Variants in TMPRSS11A observed in about 807,000 individuals in gnomAD.
TMPRSS11A encodes transmembrane protease serine 11A.
A neutral mutation model predicts 58.9 loss-of-function variants in TMPRSS11A; 53 were observed. The ratio of observed to expected loss-of-function variants is 0.90; its 90% CI spans 0.72 to 1.13. The LOEUF (loss-of-function observed/expected upper bound fraction) is 1.13, where lower values mean the gene tolerates loss of function less well. TMPRSS11A is among the 50% of genes most tolerant of loss of function. The pLI, the probability that TMPRSS11A is intolerant of heterozygous loss-of-function variation, is 0.00. For missense variants in TMPRSS11A, 493 were observed against 499.3 expected (o/e 0.99, Z 0.12); for synonymous variants, 167 against 169.8 (o/e 0.98, Z 0.13).
intron 5 of TMPRSS11A, among the ~76,000 whole-genome samples, chr4:67,929,638 G>T (rs960604137): frequency 6.6e-6 from 1 of 152,168 alleles, no homozygotes; most frequent in Non-Finnish European, 1.5e-5. Context: ...AGTTGTAAAT[G>T]CTTGCCTATA....
chr4:67,932,124 G>C (rs760669798), intron 3 of TMPRSS11A, 64 bp from the exon 4 acceptor site: 379 of 940,948 alleles, frequency 4.0e-4, no homozygotes, highest in Non-Finnish European at 5.4e-4. Context: ...ATATATCCTT[G>C]ATTAAATGTT....
rs1401573282 is a variant in TMPRSS11A at position 67,910,871 on chromosome 4, G to A, written c.*471C>T. 6.6e-6 allele frequency: 1 copy of A among 152,018 alleles called. No homozygotes were observed. The highest frequency in any genetic ancestry group is 1.5e-5 in the Non-Finnish European group (1 of 67,998). 9.4% of individuals were successfully genotyped at this position (152,018 alleles called of 1,614,324 possible). On this transcript the variant is annotated 3_prime_UTR_variant, in exon 10 of 10. Transcript: ENST00000508048. ...AGAAGTAGAAAATTCATTTCTTATGGTGGAAAGGTACTTTGGAAAATCTGA... is the reference window on the plus strand; with the variant it reads ...AGAAGTAGAAAATTCATTTCTTATGATGGAAAGGTACTTTGGAAAATCTGA...
chr4:67,940,469 A>T (rs1720853342), intron 3 of TMPRSS11A, among the ~76,000 whole-genome samples: 1 of 152,018 alleles, frequency 6.6e-6, no homozygotes, highest in Middle Eastern at 3.4e-3. Flanking sequence ...TCAATCTTGG[A>T]AGATTGTGTT....
chr4:67,946,413 T>C (rs779107302), intron 2 of TMPRSS11A, 37 bp downstream of exon 2: 2 of 1,548,556 alleles, frequency 1.3e-6, no homozygotes, highest in South Asian at 2.5e-5. Context: ...TGCAGAAAAA[T>C]AAAATCAAAT....
At chr4:67,960,183 G>T (rs1437069424) in intron 1 of TMPRSS11A, among the ~76,000 whole-genome samples, 6 of 152,146 alleles carry the variant, frequency 3.9e-5, no homozygotes, top group Admixed American at 3.9e-4. Context: ...TGGGAGGAGG[G>T]CATAGATGGA....
chr4:67,923,027 C>A, intron 6 of TMPRSS11A, 101 bp from the exon 7 acceptor site: 2 of 1,100,930 alleles, frequency 1.8e-6, no homozygotes, highest in Non-Finnish European at 1.3e-6. Flanking sequence ...TACTACTCCT[C>A]CTGCCCAGGA....
intron 3 of TMPRSS11A, among the ~76,000 whole-genome samples, chr4:67,933,593 T>C (rs1720681547): frequency 6.6e-6 from 1 of 152,218 alleles, no homozygotes; most frequent in South Asian, 2.1e-4. Flanking sequence ...ATGTCTTTAT[T>C]GGTACTTAAA....
intron 1 of TMPRSS11A, among the ~76,000 whole-genome samples, chr4:67,955,454 G>A (rs1455544859): frequency 6.6e-6 from 1 of 152,164 alleles, no homozygotes; most frequent in Non-Finnish European, 1.5e-5. Context: ...CAGGTTGGAG[G>A]TTTAGGCTCA....
At position 67,910,552 on chromosome 4, in the gene TMPRSS11A, T is replaced by TAG. The variant is rs756786377; in HGVS notation, c.*789_*790insCT. The TAG allele has an allele frequency of 1.1e-4, 16 of 152,224 alleles. No homozygotes were observed. Among genetic ancestry groups the TAG allele is most frequent in the Middle Eastern group, 3.4e-3 (1 of 294 alleles). The allele number at this position is 152,224 out of a possible 1,614,324, so 9.4% of individuals were successfully genotyped here. ...TGAAATGTCAAATTTCTTATGCCGGTGTTTTGGGACTAATGAAATTACCAT... is the reference window on the plus strand; with the variant it reads ...TGAAATGTCAAATTTCTTATGCCGGTAGGTTTTGGGACTAATGAAATTACCAT... On this transcript the variant is annotated 3_prime_UTR_variant, in exon 10 of 10. Coordinates refer to ENST00000508048, the MANE Select transcript of TMPRSS11A (RefSeq NM_001114387.2).
intron 3 of TMPRSS11A, among the ~76,000 whole-genome samples, chr4:67,935,667 T>A (rs954815951): frequency 1.1e-4 from 17 of 152,304 alleles, no homozygotes; most frequent in African/African-American, 4.1e-4. Flanking sequence ...ATGTAGTATA[T>A]TTTTGTTGAA....
chr4:67,916,654 T>G (rs1319962437), intron 8 of TMPRSS11A, among the ~76,000 whole-genome samples: 4 of 151,874 alleles, frequency 2.6e-5, no homozygotes, highest in Non-Finnish European at 5.9e-5. Flanking sequence ...GTGAAACCCC[T>G]TCTTTACTAA....
intron 1 of TMPRSS11A, among the ~76,000 whole-genome samples, chr4:67,958,213 G>C (rs987696177): frequency 1.3e-5 from 2 of 152,204 alleles, no homozygotes; most frequent in African/African-American, 4.8e-5. Flanking sequence ...TAATGGAGCT[G>C]TAAGAAGAGA....
rs114396367 is a variant in TMPRSS11A at position 67,928,358 on chromosome 4, C to G, written c.481+1522G>C. Among the ~76,000 whole-genome samples, 652 of 152,274 alleles carry G rather than the reference C, an allele frequency of 4.3e-3. 3 individuals are homozygous for G. Among genetic ancestry groups the G allele is most frequent in the African/African-American group, 0.015 (629 of 41,562 alleles). On this transcript the variant is annotated intron_variant, in intron 5 of 9. Transcript: ENST00000508048. ...ACCATGCCCAGCCTCAGGTGACTCT[C>G]AAATCAGGTTCTCCATTAGCATATC...
intron 1 of TMPRSS11A, among the ~76,000 whole-genome samples, chr4:67,954,853 C>A (rs970306419): frequency 6.6e-6 from 1 of 152,104 alleles, no homozygotes; most frequent in African/African-American, 2.4e-5. Flanking sequence ...TTGTAAAATG[C>A]AAATAAAATT....
chr4:67,961,677 T>C (rs1454324083), intron 1 of TMPRSS11A, among the ~76,000 whole-genome samples: 3 of 151,904 alleles, frequency 2.0e-5, no homozygotes, highest in Non-Finnish European at 2.9e-5. Context: ...CATGCCCGGC[T>C]AATTGTTGTA....
chr4:67,946,269 T>C (rs1720998886), intron 2 of TMPRSS11A, among the ~76,000 whole-genome samples, 181 bp downstream of exon 2: 1 of 152,132 alleles, frequency 6.6e-6, no homozygotes, highest in Admixed American at 6.6e-5. Context: ...AGAAAAGTAC[T>C]CACATATAAT....
At position 67,944,546 on chromosome 4, in the gene TMPRSS11A, C is replaced by A; in HGVS notation, c.225G>T (p.Lys75Asn). Reference protein sequence around the residue: ...NFGQSNTYQLKDLRETTENLV... With the variant: ...NFGQSNTYQLNDLRETTENLV... Reference sequence around the variant, plus strand: ...AATTTTCGGTCGTCTCTCGTAAGTCCTTAAGTTGATATGTGTTGCTTTGTC... The same window carrying A: ...AATTTTCGGTCGTCTCTCGTAAGTCATTAAGTTGATATGTGTTGCTTTGTC... Residue 75 changes from lysine to asparagine, a missense_variant, in exon 3 of 10, where the codon AAG becomes AAT. Physicochemically the swap from Lys to Asn is moderately conservative, Grantham distance 94. Transcript: ENST00000508048. The A allele has an allele frequency of 1.2e-6, 2 of 1,612,614 alleles. No homozygotes were observed. Among genetic ancestry groups the A allele is most frequent in the Non-Finnish European group, 1.7e-6 (2 of 1,179,146 alleles).
At chr4:67,924,074 A>C in intron 6 of TMPRSS11A, 54 bp downstream of exon 6, 1 of 1,456,420 alleles carries the variant, frequency 6.9e-7, no homozygotes, top group Non-Finnish European at 9.6e-7. Flanking sequence ...ATATTTGAAA[A>C]TGTCCTTTCT....
rs367554835 is a variant in TMPRSS11A, at chr4:67,919,184, G to A, written c.741C>T (p.Asn247=). Residue 247 remains asparagine, a synonymous_variant, in exon 8 of 10, where the codon AAC becomes AAT. Coordinates refer to ENST00000508048, the MANE Select transcript of TMPRSS11A (RefSeq NM_001114387.2). ...QWTVSFGTKI[N]PPLMKRNVRR... is the part of the protein sequence containing the mutation. ...TGACATTTCTTTTCATTAAGGGAGG[G>A]TTGATTTTTGTTCCAAAACTAACAG... The A allele has an allele frequency of 1.2e-6, 2 of 1,613,928 alleles. No individual in the cohort carries two copies. The highest frequency in any genetic ancestry group is 1.7e-6 in the Non-Finnish European group (2 of 1,179,970).
Sources: gnomAD v4.1 joint callset for allele counts (sites outside exome capture counted in the v4.1 genomes callset) on GRCh38, gnomAD v4.1.1 for gene constraint, MANE v1.5 for transcripts, NCBI Gene and HGNC (gene_info 2026-07-23, HGNC 2026-07-21) for gene names.